The following GSE1 variants were observed in gnomAD, a reference collection of about 807,000 sequenced individuals.
GSE1 encodes Gse1 coiled-coil protein.
GSE1 carries 32 observed loss-of-function variants against 112.6 expected under a neutral mutation model. That is an observed-to-expected ratio of 0.28 (90% CI 0.21 to 0.38). GSE1 has a LOEUF of 0.38. GSE1 is among the 10% of genes least tolerant of loss of function. The pLI, the probability that GSE1 is intolerant of heterozygous loss-of-function variation, is 1.00. For missense variants in GSE1, 2,348 were observed against 1,699.2 expected (o/e 1.38, Z -6.71); for synonymous variants, 1,115 against 735.6 (o/e 1.52, Z -8.35).
intron 2 of GSE1, among the ~76,000 whole-genome samples, chr16:85,644,771 G>C (rs921090031): frequency 2.6e-5 from 4 of 151,996 alleles, no homozygotes; most frequent in Non-Finnish European, 5.9e-5. Flanking sequence ...GGGGCCGCGC[G>C]CTGGGTGGGT....
intron 1 of GSE1, among the ~76,000 whole-genome samples, chr16:85,213,678 GC>G (rs1444380392): frequency 6.6e-6 from 1 of 152,230 alleles, no homozygotes; most frequent in Non-Finnish European, 1.5e-5. Flanking sequence ...GACACCCCCA[GC>G]CCAGAGTCTA....
intron 1 of GSE1, among the ~76,000 whole-genome samples, chr16:85,222,048 G>A (rs1050404292): frequency 4.6e-5 from 7 of 152,148 alleles, no homozygotes; most frequent in African/African-American, 1.7e-4. Context: ...GGGAGCCTGG[G>A]GTACGCAGGC....
rs757708356 is a variant in GSE1 at position 85,657,545 on chromosome 16, G to A, written c.1581G>A (p.Leu527=). Residue 527 remains leucine, a synonymous_variant, in exon 8 of 16, where the codon CTG becomes CTA. Coordinates refer to ENST00000253458, the MANE Select transcript of GSE1 (RefSeq NM_014615.5). ...EFRQQVLEQH[L]DMGRPPVPAE... ...GGCAGCAGGTGCTGGAGCAGCACCT[G>A]GATATGGGCCGGCCCCCGGTGCCGG... is the stretch of plus-strand genomic sequence containing the variant. 6.3e-7 allele frequency: 1 copy of A among 1,595,098 alleles called. No homozygotes were observed. The highest frequency in any genetic ancestry group is 8.5e-7 in the Non-Finnish European group (1 of 1,170,016).
chr16:85,587,103 C>T (rs1351149792), intron 1 of GSE1, among the ~76,000 whole-genome samples: 5 of 151,744 alleles, frequency 3.3e-5, no homozygotes, highest in African/African-American at 1.2e-4. Context: ...TAGGATGGGC[C>T]TCGGCCTCTG....
At chr16:85,331,699 ATATATATATTTTT>A (rs1567693500) in intron 1 of GSE1, among the ~76,000 whole-genome samples, 1 of 59,328 alleles carries the variant, frequency 1.7e-5, no homozygotes, top group African/African-American at 5.8e-5. Flanking sequence ...ATATATATAT[ATATATATATTTTT>A]TTTTTTTTTT....
At chr16:85,601,873 C>T (rs947836338) in intron 1 of GSE1, among the ~76,000 whole-genome samples, 5 of 152,286 alleles carry the variant, frequency 3.3e-5, no homozygotes, top group Admixed American at 1.3e-4. Flanking sequence ...CTGCGTGCAT[C>T]GCTTGTCGAG....
At chr16:85,264,205 G>T (rs552958292) in intron 1 of GSE1, among the ~76,000 whole-genome samples, 1 of 152,282 alleles carries the variant, frequency 6.6e-6, no homozygotes, top group African/African-American at 2.4e-5. Flanking sequence ...AGGGCCTGAG[G>T]TTTCATGTTG....
intron 1 of GSE1, among the ~76,000 whole-genome samples, chr16:85,208,991 G>A (rs1283651348): frequency 5.3e-5 from 8 of 150,542 alleles, no homozygotes; most frequent in Admixed American, 1.3e-4. Flanking sequence ...ACTTGTTGGG[G>A]TTCGCCTGTG....
At chr16:85,377,053 C>G (rs531648867) in intron 2 of GSE1, among the ~76,000 whole-genome samples, 41 of 152,222 alleles carry the variant, frequency 2.7e-4, no homozygotes, top group African/African-American at 9.9e-4. Flanking sequence ...ATTTTTGGTT[C>G]TGGAATTCTG....
intron 2 of GSE1, among the ~76,000 whole-genome samples, chr16:85,360,465 G>T (rs2047042311): frequency 6.6e-6 from 1 of 152,216 alleles, no homozygotes; most frequent in Non-Finnish European, 1.5e-5. Context: ...CTCAGCCAGA[G>T]ACCCACCAGG....
intron 1 of GSE1, among the ~76,000 whole-genome samples, chr16:85,572,604 C>G (rs991871899): frequency 7.2e-5 from 11 of 152,274 alleles, no homozygotes; most frequent in African/African-American, 2.4e-4. Context: ...GTGTGCCTTG[C>G]CTTCTTTTCC....
At chr16:85,555,404 G>A (rs1344558604), upstream of GSE1, 3 of 983,770 alleles carry the variant, frequency 3.0e-6, no homozygotes, top group African/African-American at 3.5e-5. Context: ...AGGGGGGGGA[G>A]GGGTGTTGGT....
At chr16:85,565,802 A>C (rs1470362640) in intron 1 of GSE1, among the ~76,000 whole-genome samples, 2 of 152,204 alleles carry the variant, frequency 1.3e-5, no homozygotes, top group Admixed American at 6.5e-5. Flanking sequence ...GTGTGAGAAG[A>C]AGCAGGAGGG....
chr16:85,540,126 G>A (rs915894382), intron 2 of GSE1, among the ~76,000 whole-genome samples: 1 of 152,196 alleles, frequency 6.6e-6, no homozygotes, highest in African/African-American at 2.4e-5. Flanking sequence ...GTGGTTTGTT[G>A]TTTGCCTGGT....
intron 1 of GSE1, among the ~76,000 whole-genome samples, chr16:85,624,874 A>G (rs980316047): frequency 1.3e-5 from 2 of 152,166 alleles, no homozygotes; most frequent in Non-Finnish European, 2.9e-5. Flanking sequence ...GGCATGGGTG[A>G]GCCCCCGGCT....
intron 2 of GSE1, among the ~76,000 whole-genome samples, chr16:85,496,025 C>T (rs1011835084): frequency 4.6e-5 from 7 of 152,232 alleles, no homozygotes; most frequent in African/African-American, 1.2e-4. Flanking sequence ...CACAGGGAAC[C>T]TCGGGAATCG....
intron 1 of GSE1, among the ~76,000 whole-genome samples, chr16:85,291,165 G>A (rs147068460): frequency 2.0e-5 from 3 of 152,300 alleles, no homozygotes; most frequent in East Asian, 3.9e-4. Flanking sequence ...CATGTAGTGG[G>A]TATGTCCCTC....
intron 2 of GSE1, among the ~76,000 whole-genome samples, chr16:85,473,484 C>T (rs976727853): frequency 7.2e-5 from 11 of 152,244 alleles, no homozygotes; most frequent in Admixed American, 2.6e-4. Context: ...CTGGCAGGGC[C>T]GGGCTCTCTC....
At chr16:85,318,414 C>A (rs1045847684) in intron 1 of GSE1, among the ~76,000 whole-genome samples, 1 of 152,106 alleles carries the variant, frequency 6.6e-6, no homozygotes, top group Non-Finnish European at 1.5e-5. Context: ...CAGGCATGCA[C>A]CACTATGCCT....
Sources: gnomAD v4.1 joint callset for allele counts (sites outside exome capture counted in the v4.1 genomes callset) on GRCh38, gnomAD v4.1.1 for gene constraint, MANE v1.5 for transcripts, NCBI Gene and HGNC (gene_info 2026-07-23, HGNC 2026-07-21) for gene names.